Variants in PACS1 observed in about 807,000 individuals in gnomAD.
PACS1 encodes phosphofurin acidic cluster sorting protein 1, also known as PACS-1.
Under a neutral mutation model 115.0 loss-of-function variants are expected in PACS1, and 24 were observed. The ratio of observed to expected loss-of-function variants is 0.21; its 90% CI spans 0.15 to 0.29. PACS1 has a LOEUF of 0.29. Among genes scored for constraint, PACS1 ranks in the 10% least tolerant of loss-of-function variants. PACS1 has a pLI of 1.00. For synonymous variants in PACS1, 453 were observed against 504.5 expected, an observed-to-expected ratio of 0.90 and a Z score of 1.37; for missense variants, 838 against 1,251.2, an observed-to-expected ratio of 0.67 and a Z score of 4.98.
At chr11:66,074,028 T>G (rs1857356056) in intron 1 of PACS1, among the ~76,000 whole-genome samples, 1 of 150,958 alleles carries the variant, frequency 6.6e-6, no homozygotes, top group African/African-American at 2.4e-5. Context: ...CCCAAAGTGC[T>G]GAGATTACAG....
At chr11:66,117,776 G>A (rs1483153065) in intron 1 of PACS1, among the ~76,000 whole-genome samples, 1 of 151,924 alleles carries the variant, frequency 6.6e-6, no homozygotes, top group Admixed American at 6.6e-5. Context: ...AACCCAGGAG[G>A]TGAGGTTGCA....
At chr11:66,159,952 A>T (rs1453918474) in intron 1 of PACS1, among the ~76,000 whole-genome samples, 2 of 152,236 alleles carry the variant, frequency 1.3e-5, no homozygotes, top group Non-Finnish European at 2.9e-5. Flanking sequence ...TGTTAGGATG[A>T]TAACACTTGG....
At chr11:66,210,270 A>C in intron 2 of PACS1, 92 bp from the exon 3 acceptor site, 1 of 925,670 alleles carries the variant, frequency 1.1e-6, no homozygotes, top group Non-Finnish European at 1.8e-6. Flanking sequence ...TCCTGAGTCC[A>C]AGCAGTCCTT....
intron 4 of PACS1, among the ~76,000 whole-genome samples, chr11:66,214,298 A>C (rs1855146815): frequency 6.6e-6 from 1 of 152,014 alleles, no homozygotes; most frequent in Non-Finnish European, 1.5e-5. Flanking sequence ...GGGGCAGTGA[A>C]TTCCCGCCAG....
At chr11:66,082,587 C>G (rs551272852) in intron 1 of PACS1, among the ~76,000 whole-genome samples, 4 of 152,278 alleles carry the variant, frequency 2.6e-5, no homozygotes, top group Non-Finnish European at 5.9e-5. Flanking sequence ...TCAGGCCGGG[C>G]GCTGTGGCTC....
chr11:66,193,513 C>A lies in PACS1; in HGVS notation c.384C>A (p.Leu128=). The change falls in exon 2 of 24, where the codon CTC becomes CTA. Residue 128 remains leucine, a synonymous_variant. Coordinates refer to ENST00000320580, the MANE Select transcript of PACS1 (RefSeq NM_018026.4). ...TATTCAGCTTGACCCTGAAGAAACTCGTCATGCTAAAAGAAATGGACAAAG... is the reference window on the plus strand; with the variant it reads ...TATTCAGCTTGACCCTGAAGAAACTAGTCATGCTAAAAGAAATGGACAAAG... ...PRLFSLTLKK[L]VMLKEMDKDL... The A allele has an allele frequency of 6.2e-7, 1 of 1,613,416 alleles. No homozygotes were observed. Among genetic ancestry groups the A allele is most frequent in the South Asian group, 1.1e-5 (1 of 91,046 alleles).
At chr11:66,116,452 TA>T (rs1220257650) in intron 1 of PACS1, among the ~76,000 whole-genome samples, 4 of 152,370 alleles carry the variant, frequency 2.6e-5, no homozygotes, top group Admixed American at 6.5e-5. Context: ...TGCCTTTGAT[TA>T]ATGCTAGAAA....
rs1000389823 is a variant in PACS1, at chr11:66,224,756, C to T, written c.1294-2748C>T. Reference sequence around the variant, plus strand: ...CTTTGGGAACAGCAGAACCAGACTGCGCTCTTAAATGGAGAACTTCTGAAT... The same window carrying T: ...CTTTGGGAACAGCAGAACCAGACTGTGCTCTTAAATGGAGAACTTCTGAAT... On this transcript the variant is annotated intron_variant, in intron 10 of 23. Transcript: ENST00000320580. Among the ~76,000 whole-genome samples the T allele has an allele frequency of 5.3e-5, 8 of 152,292 alleles. No individual in the cohort carries two copies. In the South Asian group the frequency reaches 8.3e-4, roughly 16 times the overall value.
chr11:66,094,435 A>G (rs1208421991), intron 1 of PACS1, among the ~76,000 whole-genome samples: 1 of 150,778 alleles, frequency 6.6e-6, no homozygotes, highest in Non-Finnish European at 1.5e-5. Flanking sequence ...CAAATAAACT[A>G]GAAAATCTAG....
At chr11:66,109,006 C>T (rs1482640287) in intron 1 of PACS1, among the ~76,000 whole-genome samples, 8 of 152,162 alleles carry the variant, frequency 5.3e-5, no homozygotes, top group Admixed American at 2.0e-4. Context: ...TTTAGGATGA[C>T]ACAACTCAGT....
intron 7 of PACS1, 52 bp from the exon 8 acceptor site, chr11:66,219,694 A>G (rs1169820438): frequency 7.2e-6 from 10 of 1,389,976 alleles, no homozygotes; most frequent in Non-Finnish European, 1.0e-5. Flanking sequence ...ATTGACTTGA[A>G]TTGACCCCAA....
intron 1 of PACS1, among the ~76,000 whole-genome samples, chr11:66,121,596 T>C (rs755285788): frequency 6.6e-5 from 10 of 152,124 alleles, no homozygotes; most frequent in Non-Finnish European, 1.3e-4. Context: ...CTGAAGGAAA[T>C]TAAAAGTGCT....
chr11:66,231,044 TA>T, intron 13 of PACS1, 104 bp downstream of exon 13: 1 of 1,372,708 alleles, frequency 7.3e-7, no homozygotes, highest in Non-Finnish European at 1.0e-6. Context: ...AGAAGAGGAA[TA>T]CTTGGAAATG....
chr11:66,209,164 T>C (rs952989001), intron 2 of PACS1, among the ~76,000 whole-genome samples: 1 of 151,076 alleles, frequency 6.6e-6, no homozygotes, highest in Admixed American at 6.6e-5. Context: ...AAAATTCAGC[T>C]GAGACCTGAA....
chr11:66,084,123 A>G (rs1857529210), intron 1 of PACS1: 2 of 152,454 alleles, frequency 1.3e-5, no homozygotes, highest in Middle Eastern at 3.4e-3. Context: ...GACGGGAAGA[A>G]TAAAGCTGGA....
intron 1 of PACS1, among the ~76,000 whole-genome samples, chr11:66,095,631 T>C (rs1054942891): frequency 3.3e-5 from 5 of 152,128 alleles, no homozygotes; most frequent in Non-Finnish European, 7.4e-5. Context: ...CTAATTTTTG[T>C]ATTTTTAGTA....
intron 1 of PACS1, among the ~76,000 whole-genome samples, chr11:66,077,267 T>C (rs996127118): frequency 1.3e-5 from 2 of 152,168 alleles, no homozygotes; most frequent in Non-Finnish European, 2.9e-5. Flanking sequence ...AAATAGTTTA[T>C]TAAAACATTC....
chr11:66,120,868 C>T (rs1029392623), intron 1 of PACS1, among the ~76,000 whole-genome samples: 9 of 152,216 alleles, frequency 5.9e-5, no homozygotes, highest in Non-Finnish European at 8.8e-5. Context: ...ACTTACTTAT[C>T]CTTCAGAGCC....
chr11:66,242,091 A>G (rs576874582), intron 22 of PACS1, among the ~76,000 whole-genome samples: 52 of 152,302 alleles, frequency 3.4e-4, no homozygotes, highest in African/African-American at 1.2e-3. Flanking sequence ...TTGTGTTTTC[A>G]GGATTAAGGG....
Sources: allele counts gnomAD v4.1 joint callset (sites outside exome capture counted in the v4.1 genomes callset), GRCh38; gene constraint gnomAD v4.1.1; transcripts MANE v1.5; gene names NCBI Gene and HGNC (gene_info 2026-07-23, HGNC 2026-07-21).